The following ELP1 variants were observed in gnomAD, a reference collection of about 807,000 sequenced individuals.
ELP1 encodes elongator acetyltransferase complex subunit 1, also known as elongator complex protein 1.
A neutral mutation model predicts 183.2 loss-of-function variants in ELP1; 131 were observed. The observed-to-expected ratio is 0.72, with a 90% CI of 0.62 to 0.83. ELP1 has a LOEUF of 0.83. ELP1 is among the 40% of genes least tolerant of loss of function. ELP1 has a pLI of 0.00. For synonymous variants in ELP1, 555 were observed against 569.0 expected (o/e 0.98, Z 0.35); for missense variants, 1,550 against 1,594.9 (o/e 0.97, Z 0.48).
At chr9:108,926,111 C>T (rs1275154094) in intron 5 of ELP1, among the ~76,000 whole-genome samples, 1 of 152,200 alleles carries the variant, frequency 6.6e-6, no homozygotes, top group Non-Finnish European at 1.5e-5. Flanking sequence ...ATGACCTTGG[C>T]TAGATTTTAG....
chr9:108,870,906 G>A (rs553215653), intron 36 of ELP1, among the ~76,000 whole-genome samples: 5 of 150,662 alleles, frequency 3.3e-5, no homozygotes, highest in Admixed American at 2.0e-4. Context: ...TAATTCCTCC[G>A]GTGTGATGTC....
At chr9:108,903,800 T>C (rs186279617) in intron 14 of ELP1, 131 bp from the exon 15 acceptor site, 16 of 701,038 alleles carry the variant, frequency 2.3e-5, no homozygotes, top group Admixed American at 6.1e-5. Context: ...GTAGACAAAA[T>C]ACATATATAC....
chr9:108,930,926 G>A (rs1402415744), intron 2 of ELP1, 71 bp downstream of exon 2: 1 of 1,477,122 alleles, frequency 6.8e-7, no homozygotes, highest in Non-Finnish European at 9.5e-7. Context: ...AGACCATGTG[G>A]GGAAAGAAAT....
chr9:108,907,124 T>TA (rs561502659), intron 13 of ELP1, among the ~76,000 whole-genome samples: 2 of 152,174 alleles, frequency 1.3e-5, no homozygotes, highest in Non-Finnish European at 2.9e-5. Flanking sequence ...TGCATTCACA[T>TA]AGAGTATCCC....
chr9:108,885,878 G>A (rs567872136), intron 29 of ELP1, among the ~76,000 whole-genome samples: 1 of 152,154 alleles, frequency 6.6e-6, no homozygotes, highest in Non-Finnish European at 1.5e-5. Context: ...TGGGTGCAAA[G>A]GAAGGGGGCT....
chr9:108,886,706 CA>C (rs1828135416), intron 29 of ELP1, among the ~76,000 whole-genome samples: 1 of 152,172 alleles, frequency 6.6e-6, no homozygotes, highest in Non-Finnish European at 1.5e-5. Context: ...AAAGATTAGA[CA>C]GTAAATATAG....
At chr9:108,888,421 A>T (rs1266917963) in intron 29 of ELP1, among the ~76,000 whole-genome samples, 1 of 152,260 alleles carries the variant, frequency 6.6e-6, no homozygotes, top group African/African-American at 2.4e-5. Context: ...CAACTGTACA[A>T]CACATAATTT....
intron 36 of ELP1, among the ~76,000 whole-genome samples, chr9:108,871,850 G>C (rs1018432824): frequency 9.2e-5 from 14 of 152,082 alleles, no homozygotes; most frequent in Non-Finnish European, 1.9e-4. Context: ...AACATAAAAA[G>C]GTATTTTGCA....
At chr9:108,929,741 T>TC in intron 3 of ELP1, 28 bp downstream of exon 3, 2 of 1,612,758 alleles carry the variant, frequency 1.2e-6, no homozygotes, top group Non-Finnish European at 1.7e-6. Flanking sequence ...TGCTTGAGAC[T>TC]CCCCCCTCAC....
intron 36 of ELP1, among the ~76,000 whole-genome samples, chr9:108,874,638 A>G (rs1329637817): frequency 6.6e-6 from 1 of 152,226 alleles, no homozygotes; most frequent in Non-Finnish European, 1.5e-5. Flanking sequence ...ATGAACAAGC[A>G]TATGCCACAT....
Position 108,868,576 on chromosome 9 carries a change from G to A in ELP1, c.*539C>T. ...TAGGAGGCTCAGCCCAGTTATAACTGAAAGCACATGACCTGGTAAGATGTT... is the reference window on the plus strand; with the variant it reads ...TAGGAGGCTCAGCCCAGTTATAACTAAAAGCACATGACCTGGTAAGATGTT... On this transcript the variant is annotated 3_prime_UTR_variant, in exon 37 of 37. Coordinates refer to ENST00000374647, the MANE Select transcript of ELP1 (RefSeq NM_003640.5). The A allele has an allele frequency of 2.3e-6, 1 of 438,206 alleles. No individual in the cohort carries two copies. 27.1% of individuals were successfully genotyped at this position (438,206 alleles called of 1,614,324 possible).
At position 108,922,881 on chromosome 9, in the gene ELP1, A is replaced by G. The variant is rs1829697478; in HGVS notation, c.513T>C (p.His171=). The G allele has an allele frequency of 1.2e-6, 2 of 1,613,964 alleles. No homozygotes were observed. Among genetic ancestry groups the G allele is most frequent in the Admixed American group, 1.7e-5 (1 of 60,008 alleles). Residue 171 remains histidine, a synonymous_variant, in exon 6 of 37, where the codon CAT becomes CAC. Coordinates refer to ENST00000374647, the MANE Select transcript of ELP1 (RefSeq NM_003640.5). ...VGWGRKETQF[H]GSEGRQAAFQ... ...AAGCTGCTTGTCTGCCTTCTGATCC[A>G]TGGAACTGTGTCTCCTTCCTACCCC...
chr9:108,899,799 G>T, intron 20 of ELP1, 23 bp downstream of exon 20: 1 of 1,594,092 alleles, frequency 6.3e-7, no homozygotes, highest in African/African-American at 1.3e-5. Flanking sequence ...CTAACTAGTC[G>T]CAAACAGTAC....
At position 108,934,045 on chromosome 9, in the gene ELP1, A is replaced by C; in HGVS notation, c.-237T>G. 1 of 169,162 alleles carries C rather than the reference A, an allele frequency of 5.9e-6. No individual in the cohort carries two copies. The highest frequency in any genetic ancestry group is 1.1e-4 in the South Asian group (1 of 8,788). The allele number at this position is 169,162 out of a possible 1,614,324, so 10.5% of individuals were successfully genotyped here. On this transcript the variant is annotated 5_prime_UTR_variant, in exon 1 of 37. Coordinates refer to ENST00000374647, the MANE Select transcript of ELP1 (RefSeq NM_003640.5). ...GCCTCCAAGGATGGAGGCGCCCTCC[A>C]GGGGAAAACGCTGAAGCGCTGCAAA...
At chr9:108,890,494 A>G (rs1828281447) in intron 28 of ELP1, among the ~76,000 whole-genome samples, 1 of 152,186 alleles carries the variant, frequency 6.6e-6, no homozygotes. Context: ...TCATTGCTTT[A>G]CTTCAAGCAC....
rs373498962 is a variant in ELP1 at position 108,901,547 on chromosome 9, G to C, written c.1909-17C>G. On this transcript the variant is annotated splice_polypyrimidine_tract_variant and intron_variant, in intron 17 of 36. Coordinates refer to ENST00000374647, the MANE Select transcript of ELP1 (RefSeq NM_003640.5). Reference sequence around the variant, plus strand: ...TGACGCAACCTGCAAGAGAAGGCCAGAGAGGCATGGGTGAAAGCTAGCTAG... The same window carrying C: ...TGACGCAACCTGCAAGAGAAGGCCACAGAGGCATGGGTGAAAGCTAGCTAG... The C allele has an allele frequency of 1.7e-5, 28 of 1,611,834 alleles. No individual in the cohort carries two copies. In the East Asian group the frequency reaches 2.0e-4, roughly 12 times the overall value.
intron 12 of ELP1, 152 bp downstream of exon 12, chr9:108,910,858 C>A: frequency 1.6e-6 from 1 of 641,148 alleles, no homozygotes; most frequent in Non-Finnish European, 2.7e-6. Context: ...AAACCCAAGG[C>A]AATTAAATAT....
At chr9:108,924,007 A>C (rs1420685837) in intron 5 of ELP1, among the ~76,000 whole-genome samples, 1 of 152,252 alleles carries the variant, frequency 6.6e-6, no homozygotes, top group Non-Finnish European at 1.5e-5. Context: ...CAAGTGCTAC[A>C]GTACCTCAAT....
intron 12 of ELP1, among the ~76,000 whole-genome samples, chr9:108,910,278 G>A (rs1406051494): frequency 6.6e-6 from 1 of 152,200 alleles, no homozygotes; most frequent in Non-Finnish European, 1.5e-5. Context: ...ACAGTGGGCT[G>A]CTGACTTAAC....
Sources: allele counts gnomAD v4.1 joint callset (sites outside exome capture counted in the v4.1 genomes callset), GRCh38; gene constraint gnomAD v4.1.1; transcripts MANE v1.5; gene names NCBI Gene and HGNC (gene_info 2026-07-23, HGNC 2026-07-21).